KLHDC8B: variants seen among roughly 807,000 people sequenced by gnomAD.
KLHDC8B encodes the protein kelch domain-containing protein 8B.
KLHDC8B carries 19 observed loss-of-function variants against 26.3 expected under a neutral mutation model. That is an observed-to-expected ratio of 0.72 (90% confidence interval 0.50 to 1.06). KLHDC8B has a LOEUF of 1.06. KLHDC8B is among the 50% of genes least tolerant of loss of function. KLHDC8B has a pLI of 0.00. For synonymous variants in KLHDC8B, 150 were observed against 188.4 expected, an observed-to-expected ratio of 0.80 and a Z score of 1.67; for missense variants, 411 against 488.1, an observed-to-expected ratio of 0.84 and a Z score of 1.49.
Position 49,173,084 on chromosome 3 carries a change from C to CCGCTGGGAG in KLHDC8B, c.318_326dup (p.Trp107_Arg109dup). 6.3e-7 allele frequency: 1 copy of CCGCTGGGAG among 1,592,640 alleles called. No homozygotes were observed. On this transcript the variant is annotated inframe_insertion, in exon 2 of 6. Coordinates refer to ENST00000332780, the MANE Select transcript of KLHDC8B (RefSeq NM_173546.3). ...TAGAGGCCTTCCTGATGGATGAGGGCCGCTGGGAGCGTCGGGCCACCCTCC... is the reference window on the plus strand; with the variant it reads ...TAGAGGCCTTCCTGATGGATGAGGGCCGCTGGGAGCGCTGGGAGCGTCGGGCCACCCTCC...
In KLHDC8B at chr3:49,176,259, G is replaced by C. The variant is rs1274400221; in HGVS notation, c.*458G>C. On this transcript the variant is annotated 3_prime_UTR_variant, in exon 6 of 6. Coordinates refer to ENST00000332780, the MANE Select transcript of KLHDC8B (RefSeq NM_173546.3). ...CACAGAGAGAATAGAGAGGATGTGGGAACTGCCAGAGGGCCGGAGCGCAGG... is the reference window on the plus strand; with the variant it reads ...CACAGAGAGAATAGAGAGGATGTGGCAACTGCCAGAGGGCCGGAGCGCAGG... 1 of 161,884 alleles carries C rather than the reference G, an allele frequency of 6.2e-6. No individual in the cohort carries two copies. The highest frequency in any genetic ancestry group is 1.3e-5 in the Non-Finnish European group (1 of 74,680). The allele number at this position is 161,884 out of a possible 1,614,324, so 10.0% of individuals were successfully genotyped here.
chr3:49,174,298 C>T lies in KLHDC8B; in HGVS notation c.436C>T (p.Arg146Cys), dbSNP rs780074938. Reference protein sequence around the residue: ...GPDTAPQAQVRVYEPRRDCWL... With the variant: ...GPDTAPQAQVCVYEPRRDCWL... ...TGACACGGCCCCCCAGGCCCAGGTA[C>T]GTGTGTATGAGCCCCGTCGGGACTG... Residue 146 changes from arginine to cysteine, a missense_variant, in exon 3 of 6, where the codon CGT (arginine) becomes TGT (cysteine). Coordinates refer to ENST00000332780, the MANE Select transcript of KLHDC8B (RefSeq NM_173546.3). 4.3e-6 allele frequency: 7 copies of T among 1,613,734 alleles called. No individual in the cohort carries two copies. The highest frequency in any genetic ancestry group is 2.7e-5 in the African/African-American group (2 of 74,896).
At chr3:49,175,228 G>C (rs2045815637) in intron 5 of KLHDC8B, 65 bp downstream of exon 5, 1 of 1,333,476 alleles carries the variant, frequency 7.5e-7, no homozygotes, top group African/African-American at 1.5e-5. Context: ...CCCCCAGCAT[G>C]TGTGTCACCT....
Position 49,174,729 on chromosome 3 carries a change from A to G in KLHDC8B, c.542-13A>G. 3 of 1,594,628 alleles carry G rather than the reference A, an allele frequency of 1.9e-6. No homozygotes were observed. The highest frequency in any genetic ancestry group is 1.7e-6 in the Non-Finnish European group (2 of 1,168,618). Reference sequence around the variant, plus strand: ...CCTGGGCTCCTTCCCAGGTACCCCAATTCCATTGACAGGGGGCCGCCAGGG... The same window carrying G: ...CCTGGGCTCCTTCCCAGGTACCCCAGTTCCATTGACAGGGGGCCGCCAGGG... On this transcript the variant is annotated splice_polypyrimidine_tract_variant and intron_variant, in intron 3 of 5. Transcript: ENST00000332780.
intron 2 of KLHDC8B, 147 bp downstream of exon 2, chr3:49,173,292 A>C: frequency 1.1e-6 from 1 of 878,824 alleles, no homozygotes; most frequent in Non-Finnish European, 1.7e-6. Context: ...TATCCTTTCC[A>C]ACCTAGATTT....
rs746634447 is a variant in KLHDC8B at position 49,175,849 on chromosome 3, C to T, written c.*48C>T. The T allele has an allele frequency of 5.1e-6, 8 of 1,570,236 alleles. No individual in the cohort carries two copies. The highest frequency in any genetic ancestry group is 7.0e-6 in the Non-Finnish European group (8 of 1,142,026). On this transcript the variant is annotated 3_prime_UTR_variant, in exon 6 of 6. Transcript: ENST00000332780. ...TGGAGCAGCTCATTGCCAGAGGCAG[C>T]TATTTCTATGGCTCCTTTTGCTGCT... is the stretch of plus-strand genomic sequence containing the variant.
chr3:49,172,747 G>T lies in KLHDC8B; in HGVS notation c.-23G>T. On this transcript the variant is annotated 5_prime_UTR_variant, in exon 2 of 6. Coordinates refer to ENST00000332780, the MANE Select transcript of KLHDC8B (RefSeq NM_173546.3). ...GCCTACAGTCTGAGCAGACAGCATGGCCTGCCACTGGCAGTGAACACCATG... is the reference window on the plus strand; with the variant it reads ...GCCTACAGTCTGAGCAGACAGCATGTCCTGCCACTGGCAGTGAACACCATG... The T allele has an allele frequency of 6.3e-7, 1 of 1,598,504 alleles. No individual in the cohort carries two copies.
Position 49,174,850 on chromosome 3 carries a change from G to A in KLHDC8B, c.650G>A (p.Cys217Tyr). 1 of 1,614,150 alleles carries A rather than the reference G, an allele frequency of 6.2e-7. No homozygotes were observed. Among genetic ancestry groups the A allele is most frequent in the Non-Finnish European group, 8.5e-7 (1 of 1,180,044 alleles). ...SLPSRRAFAG[C>Y]AMAEGSVFSL... is the part of the protein sequence containing the mutation. ...CCCAGCCGTCGGGCCTTTGCTGGCTGCGCCATGGCTGAAGGCAGCGTCTTT... is the reference window on the plus strand; with the variant it reads ...CCCAGCCGTCGGGCCTTTGCTGGCTACGCCATGGCTGAAGGCAGCGTCTTT... Residue 217 changes from cysteine to tyrosine, a missense_variant, in exon 4 of 6, where the codon TGC becomes TAC. Physicochemically the swap from Cys to Tyr is radical, Grantham distance 194. Transcript: ENST00000332780.
In KLHDC8B at chr3:49,175,688, G is replaced by T; in HGVS notation, c.952G>T (p.Ala318Ser). Residue 318 changes from alanine to serine, a missense_variant, in exon 6 of 6, where the codon GCC becomes TCC. Ala to Ser is a moderately conservative substitution (Grantham distance 99). Coordinates refer to ENST00000332780, the MANE Select transcript of KLHDC8B (RefSeq NM_173546.3). ...RWEALPAMPT[A>S]RCSCSSLQAG... ...GGAGGCATTGCCTGCCATGCCCACTGCCCGCTGCTCCTGCTCTAGTCTGCA... is the reference window on the plus strand; with the variant it reads ...GGAGGCATTGCCTGCCATGCCCACTTCCCGCTGCTCCTGCTCTAGTCTGCA... 1 of 1,613,358 alleles carries T rather than the reference G, an allele frequency of 6.2e-7. No individual in the cohort carries two copies. The highest frequency in any genetic ancestry group is 8.5e-7 in the Non-Finnish European group (1 of 1,179,602).
intron 3 of KLHDC8B, 42 bp downstream of exon 3, chr3:49,174,445 A>C (rs1234636684): frequency 6.3e-7 from 1 of 1,582,410 alleles, no homozygotes; most frequent in South Asian, 1.1e-5. Flanking sequence ...CAGAGTCTAG[A>C]AATCCTCATC....
In KLHDC8B at chr3:49,175,786, G is replaced by T; in HGVS notation, c.1050G>T (p.Leu350=). 6.2e-7 allele frequency: 1 copy of T among 1,614,070 alleles called. No homozygotes were observed. The highest frequency in any genetic ancestry group is 2.2e-5 in the East Asian group (1 of 44,894). The part of the protein sequence containing the change: ...GPSQAVEALC[L]RDGV ...GTCAAGCCGTGGAGGCACTGTGTCT[G>T]CGTGATGGGGTCTGAAGGCTTGGTG... Residue 350 remains leucine (L), a synonymous_variant, in exon 6 of 6, where the codon CTG becomes CTT. Transcript: ENST00000332780.
chr3:49,173,110 CT>C lies in KLHDC8B; in HGVS notation c.342del (p.Gln115LysfsTer75). 2 of 1,578,140 alleles carry C rather than the reference CT, an allele frequency of 1.3e-6. No individual in the cohort carries two copies. The highest frequency in any genetic ancestry group is 1.7e-6 in the Non-Finnish European group (2 of 1,162,296). ...CGCTGGGAGCGTCGGGCCACCCTCC[CT>C]CAAGCAGCCATGGGGGTTGCAACTG... ...EGRWERRATL[P>X]QAAMGVATVE... On this transcript the variant is annotated frameshift_variant, in exon 2 of 6. Transcript: ENST00000332780. LOFTEE classifies it high-confidence loss of function.
intron 2 of KLHDC8B, 124 bp downstream of exon 2, chr3:49,173,269 G>T: frequency 9.7e-7 from 1 of 1,030,330 alleles, no homozygotes; most frequent in South Asian, 1.7e-5. Context: ...CCAGGATGTG[G>T]CCTTGTCCCC....
rs771268633 is a variant in KLHDC8B, at chr3:49,175,594, CCTT to C, written c.869-7_869-5del. ...CTGTGCCTCTCACAGCCTTCTCTCTCCTTCTTGCAGGAAACCAGCCATGTCCTT... is the reference window on the plus strand; with the variant it reads ...CTGTGCCTCTCACAGCCTTCTCTCTCCTTGCAGGAAACCAGCCATGTCCTT... On this transcript the variant is annotated splice_polypyrimidine_tract_variant and splice_region_variant and intron_variant, in intron 5 of 5. Coordinates refer to ENST00000332780, the MANE Select transcript of KLHDC8B (RefSeq NM_173546.3). The C allele has an allele frequency of 3.9e-6, 6 of 1,535,812 alleles. No individual in the cohort carries two copies. Among genetic ancestry groups the C allele is most frequent in the Non-Finnish European group, 2.6e-6 (3 of 1,141,306 alleles).
In KLHDC8B at chr3:49,175,100, G is replaced by A. The variant is rs775723474; in HGVS notation, c.805G>A (p.Asp269Asn). 1 of 1,614,172 alleles carries A rather than the reference G, an allele frequency of 6.2e-7. No homozygotes were observed. The highest frequency in any genetic ancestry group is 1.1e-5 in the South Asian group (1 of 91,090). ...TKLPRSLRMRDKRADFVVGSL... is the reference protein window; with the variant it reads ...TKLPRSLRMRNKRADFVVGSL... ...ATTGCCCCGCAGCCTGCGCATGAGG[G>A]ATAAGAGGGCAGACTTTGTGGTTGG... is the stretch of plus-strand genomic sequence containing the variant. The change falls in exon 5 of 6, where the codon GAT (aspartate) becomes AAT (asparagine). Residue 269 changes from aspartate (D) to asparagine (N), a missense_variant. Coordinates refer to ENST00000332780, the MANE Select transcript of KLHDC8B (RefSeq NM_173546.3).
Position 49,175,183 on chromosome 3 carries a change from G to C in KLHDC8B, c.868+20G>C, listed in dbSNP as rs751183948. The C allele has an allele frequency of 2.3e-5, 37 of 1,588,250 alleles. 1 individual carries two copies. The East Asian group carries it at 7.8e-4, about 34-fold the overall frequency. ...GCCTTGGTAAGTCTCTATGGGGCTG[G>C]GGAGAGGAGGGAGTCCCAAGACAGG... On this transcript the variant is annotated intron_variant, in intron 5 of 5. Coordinates refer to ENST00000332780, the MANE Select transcript of KLHDC8B (RefSeq NM_173546.3).
chr3:49,173,163 G>T lies in KLHDC8B; in HGVS notation c.376+18G>T. The T allele has an allele frequency of 6.4e-7, 1 of 1,553,910 alleles. No homozygotes were observed. Among genetic ancestry groups the T allele is most frequent in the Non-Finnish European group, 8.7e-7 (1 of 1,147,936 alleles). ...GGAGAGAGGTGAGTGGCCTCCCAAG[G>T]AAGGCACTTCAGGTACCCTAACACC... On this transcript the variant is annotated intron_variant, in intron 2 of 5. Coordinates refer to ENST00000332780, the MANE Select transcript of KLHDC8B (RefSeq NM_173546.3).
chr3:49,173,857 T>A (rs2045792946), intron 2 of KLHDC8B, among the ~76,000 whole-genome samples: 1 of 151,842 alleles, frequency 6.6e-6, no homozygotes. Context: ...CAGATCCCCA[T>A]GTTTCTTACC....
In KLHDC8B at chr3:49,174,924, C is replaced by T; in HGVS notation, c.724C>T (p.Pro242Ser). ...TGGGCCCCACAACTTCTACTCTCGC[C>T]CACACTTTGTCAACACTGTGGAGAT... ...QPGPHNFYSRPHFVNTVEMFD... is the reference protein window; with the variant it reads ...QPGPHNFYSRSHFVNTVEMFD... The change falls in exon 4 of 6, where the codon CCA becomes TCA. Residue 242 changes from proline (P) to serine (S), a missense_variant. Pro to Ser is a moderately conservative substitution (Grantham distance 74, BLOSUM62 -1). Transcript: ENST00000332780. 1 of 1,614,164 alleles carries T rather than the reference C, an allele frequency of 6.2e-7. No individual in the cohort carries two copies. Among genetic ancestry groups the T allele is most frequent in the Non-Finnish European group, 8.5e-7 (1 of 1,180,032 alleles).
Sources: gnomAD v4.1 joint callset for allele counts (sites outside exome capture counted in the v4.1 genomes callset) on GRCh38, gnomAD v4.1.1 for gene constraint, MANE v1.5 for transcripts, NCBI Gene and HGNC (gene_info 2026-07-23, HGNC 2026-07-21) for gene names.